Variants in CACNA1E observed in about 807,000 individuals in gnomAD.
CACNA1E encodes the protein voltage-dependent R-type calcium channel subunit alpha-1E.
CACNA1E carries 40 observed loss-of-function variants against 259.2 expected under a neutral mutation model. That is an observed-to-expected ratio of 0.15 (90% confidence interval 0.12 to 0.20). The LOEUF (loss-of-function observed/expected upper bound fraction) is 0.20. Among genes scored for constraint, CACNA1E ranks in the 10% least tolerant of loss-of-function variants. CACNA1E has a pLI of 1.00. For synonymous variants in CACNA1E, 1,104 were observed against 1,138.5 expected (o/e 0.97, Z 0.61); for missense variants, 1,874 against 3,040.1 (o/e 0.62, Z 9.02).
chr1:181,653,559 C>T (rs918764845), intron 7 of CACNA1E, among the ~76,000 whole-genome samples: 26 of 152,212 alleles, frequency 1.7e-4, no homozygotes, highest in African/African-American at 6.0e-4. Context: ...ACTAATACAG[C>T]TGTGCTCCCT....
intron 7 of CACNA1E, among the ~76,000 whole-genome samples, chr1:181,693,982 T>C (rs1271383867): frequency 2.0e-4 from 30 of 152,152 alleles, no homozygotes; most frequent in Admixed American, 2.0e-3. Flanking sequence ...CAAACCCCTT[T>C]AGGATATGAG....
chr1:181,657,673 G>A (rs1659317027), intron 7 of CACNA1E, among the ~76,000 whole-genome samples: 1 of 152,206 alleles, frequency 6.6e-6, no homozygotes, highest in Non-Finnish European at 1.5e-5. Context: ...GGGAAGGATT[G>A]GCATGGAGAG....
chr1:181,638,798 T>C (rs1657471115), intron 6 of CACNA1E, among the ~76,000 whole-genome samples: 1 of 152,196 alleles, frequency 6.6e-6, no homozygotes, highest in South Asian at 2.1e-4. Flanking sequence ...TGTTTGGTAG[T>C]TCCTCCTGCA....
At position 181,802,764 on chromosome 1, in the gene CACNA1E, A is replaced by C. The variant is rs1286005136; in HGVS notation, c.*3930A>C. 6.6e-6 allele frequency: 1 copy of C among 152,148 alleles called. No homozygotes were observed. The highest frequency in any genetic ancestry group is 1.9e-4 in the East Asian group (1 of 5,196). 9.4% of individuals were successfully genotyped at this position (152,148 alleles called of 1,614,324 possible). On this transcript the variant is annotated 3_prime_UTR_variant, in exon 48 of 48. Transcript: ENST00000367573. ...AGGTCTCCTGGCATAATGCAACAAAAATCTCATATAATTTTGATTTTTAAA... is the reference window on the plus strand; with the variant it reads ...AGGTCTCCTGGCATAATGCAACAAACATCTCATATAATTTTGATTTTTAAA...
At chr1:181,500,250 T>C (rs377615714) in intron 1 of CACNA1E, among the ~76,000 whole-genome samples, 17 of 152,298 alleles carry the variant, frequency 1.1e-4, no homozygotes, top group African/African-American at 3.9e-4. Context: ...ATGACTACCA[T>C]TGAATACAGC....
chr1:181,625,044 A>G (rs890681295), intron 6 of CACNA1E, among the ~76,000 whole-genome samples: 1 of 112,512 alleles, frequency 8.9e-6, no homozygotes, highest in African/African-American at 3.5e-5. Context: ...TTTTGAAAGG[A>G]ATCTTTTTTT....
At chr1:181,322,532 T>C (rs1650440448) in intron 1 of CACNA1E, among the ~76,000 whole-genome samples, 1 of 152,210 alleles carries the variant, frequency 6.6e-6, no homozygotes, top group Non-Finnish European at 1.5e-5. Flanking sequence ...GAAGCGAAGA[T>C]GTGTGGTACC....
At chr1:181,739,068 C>A (rs1656323318) in intron 24 of CACNA1E, 79 bp from the exon 25 acceptor site, 2 of 865,382 alleles carry the variant, frequency 2.3e-6, no homozygotes, top group Admixed American at 3.5e-5. Context: ...AGTGGGGGCA[C>A]TGCCATGATG....
At chr1:181,395,965 G>A (rs1656652950) in intron 1 of CACNA1E, among the ~76,000 whole-genome samples, 1 of 152,194 alleles carries the variant, frequency 6.6e-6, no homozygotes, top group Non-Finnish European at 1.5e-5. Context: ...CAAGACTTAG[G>A]AATCTAGGAG....
In CACNA1E at chr1:181,794,019, G is replaced by A. The variant is rs574565136; in HGVS notation, c.6027+226G>A. Among the ~76,000 whole-genome samples, 5 of 152,184 alleles carry A rather than the reference G, an allele frequency of 3.3e-5. No homozygotes were observed. The South Asian group carries it at 1.0e-3, about 32-fold the overall frequency. On this transcript the variant is annotated intron_variant, in intron 45 of 47. Transcript: ENST00000367573. ...CGAACAAAATTGCATACTTCACTCC[G>A]GACGGGTTAAACATTCTCAAGATTC... is the stretch of plus-strand genomic sequence containing the variant.
intron 1 of CACNA1E, among the ~76,000 whole-genome samples, chr1:181,327,386 G>A (rs1431732853): frequency 1.3e-5 from 2 of 152,228 alleles, no homozygotes; most frequent in Admixed American, 6.5e-5. Flanking sequence ...ATACTACGGA[G>A]TGTGTATGTG....
At chr1:181,347,764 T>G (rs1652717195) in intron 1 of CACNA1E, among the ~76,000 whole-genome samples, 1 of 152,256 alleles carries the variant, frequency 6.6e-6, no homozygotes, top group Admixed American at 6.5e-5. Flanking sequence ...CTCAGCCTGC[T>G]GGGTGGGATG....
At chr1:181,753,714 C>T (rs1657801573) in intron 27 of CACNA1E, among the ~76,000 whole-genome samples, 2 of 152,230 alleles carry the variant, frequency 1.3e-5, no homozygotes, top group African/African-American at 4.8e-5. Flanking sequence ...CTCATCACCT[C>T]TGATACTCTT....
At chr1:181,340,716 G>A (rs1427539325) in intron 1 of CACNA1E, among the ~76,000 whole-genome samples, 1 of 151,850 alleles carries the variant, frequency 6.6e-6, no homozygotes, top group Non-Finnish European at 1.5e-5. Flanking sequence ...ATCTTATTGT[G>A]CTGATAGAAA....
At chr1:181,752,496 C>A (rs888760492) in intron 27 of CACNA1E, among the ~76,000 whole-genome samples, 3 of 152,172 alleles carry the variant, frequency 2.0e-5, no homozygotes, top group Non-Finnish European at 4.4e-5. Context: ...GATATGTCAT[C>A]CAAGAGGGAA....
intron 1 of CACNA1E, among the ~76,000 whole-genome samples, chr1:181,484,811 G>A (rs1302418481): frequency 1.3e-5 from 2 of 152,206 alleles, no homozygotes; most frequent in Non-Finnish European, 2.9e-5. Flanking sequence ...GGCTGGGCCT[G>A]AATTCATCCG....
At chr1:181,513,581 G>C (rs1666324226) in intron 3 of CACNA1E, among the ~76,000 whole-genome samples, 1 of 152,238 alleles carries the variant, frequency 6.6e-6, no homozygotes, top group Non-Finnish European at 1.5e-5. Context: ...GTATACGGCT[G>C]TTCTGGTGTG....
chr1:181,789,906 C>A (rs967765344), intron 43 of CACNA1E, among the ~76,000 whole-genome samples: 1 of 152,230 alleles, frequency 6.6e-6, no homozygotes, highest in Admixed American at 6.5e-5. Flanking sequence ...CTCTGAAATC[C>A]TTCTCAGTTC....
At chr1:181,743,534 C>T (rs188057699) in intron 25 of CACNA1E, among the ~76,000 whole-genome samples, 5 of 152,200 alleles carry the variant, frequency 3.3e-5, no homozygotes, top group Non-Finnish European at 5.9e-5. Flanking sequence ...AGGGAGGTCA[C>T]ATAACCACTA....
Sources: allele counts gnomAD v4.1 joint callset (sites outside exome capture counted in the v4.1 genomes callset), GRCh38; gene constraint gnomAD v4.1.1; transcripts MANE v1.5; gene names NCBI Gene and HGNC (gene_info 2026-07-23, HGNC 2026-07-21).